The following PLCG2 variants were observed in gnomAD, a reference collection of about 807,000 sequenced individuals.
PLCG2 encodes 1-phosphatidylinositol 4,5-bisphosphate phosphodiesterase gamma-2.
PLCG2 carries 69 observed loss-of-function variants against 175.6 expected under a neutral mutation model. The ratio of observed to expected loss-of-function variants is 0.39; its 90% confidence interval spans 0.32 to 0.48. The LOEUF (loss-of-function observed/expected upper bound fraction) is 0.48. Among genes scored for constraint, PLCG2 ranks in the 20% least tolerant of loss-of-function variants. The pLI is 0.91. For synonymous variants in PLCG2, 827 were observed against 624.0 expected (o/e 1.33, Z -4.85); for missense variants, 1,798 against 1,650.9 (o/e 1.09, Z -1.54).
chr16:81,875,905 G>A (rs1370842471), intron 7 of PLCG2, among the ~76,000 whole-genome samples: 2 of 152,078 alleles, frequency 1.3e-5, no homozygotes, highest in Non-Finnish European at 2.9e-5. Flanking sequence ...GACGATGTTT[G>A]TGGAGGAGCT....
At position 81,957,875 on chromosome 16, in the gene PLCG2, A is replaced by G. The variant is rs761747151; in HGVS notation, c.3756-81A>G. On this transcript the variant is annotated intron_variant, in intron 32 of 32. Coordinates refer to ENST00000564138, the MANE Select transcript of PLCG2 (RefSeq NM_002661.5). Reference sequence around the variant, plus strand: ...AGCTATGAATGACTGGCAAATGTACAGAAAGAGAAATGTTACAGAGTTCAG... The same window carrying G: ...AGCTATGAATGACTGGCAAATGTACGGAAAGAGAAATGTTACAGAGTTCAG... 50 of 1,257,368 alleles carry G rather than the reference A, an allele frequency of 4.0e-5. 1 individual carries two copies. In the Middle Eastern group the frequency reaches 1.3e-3, roughly 33 times the overall value. The allele number at this position is 1,257,368 out of a possible 1,614,324, so 77.9% of individuals were successfully genotyped here.
intron 3 of PLCG2, 148 bp downstream of exon 3, chr16:81,854,735 C>T: frequency 1.4e-6 from 1 of 729,118 alleles, no homozygotes; most frequent in East Asian, 2.5e-5. Flanking sequence ...CCCTTTCTAG[C>T]TGTGTGTCTT....
intron 2 of PLCG2, among the ~76,000 whole-genome samples, chr16:81,824,396 A>C (rs1047028406): frequency 2.0e-5 from 3 of 152,098 alleles, no homozygotes; most frequent in African/African-American, 4.8e-5. Context: ...AACCTCCCAA[A>C]GTGCTGGGAT....
At chr16:81,777,809 A>G (rs1467150646), upstream of PLCG2, among the ~76,000 whole-genome samples, 1 of 151,990 alleles carries the variant, frequency 6.6e-6, no homozygotes, top group Non-Finnish European at 1.5e-5. Context: ...TGAGGTCAGG[A>G]GTTTGAGACC....
chr16:81,765,772 C>T (rs2143097310), intron 2 of PLCG2, among the ~76,000 whole-genome samples: 1 of 152,318 alleles, frequency 6.6e-6, no homozygotes, highest in East Asian at 1.9e-4. Flanking sequence ...ATTTTAGCCC[C>T]TTCTGAATGG....
At chr16:81,749,513 C>T (rs1909765390) in intron 1 of PLCG2, among the ~76,000 whole-genome samples, 1 of 151,998 alleles carries the variant, frequency 6.6e-6, no homozygotes, top group South Asian at 2.1e-4. Context: ...CCACCAAGCC[C>T]AGCTAATTAT....
At chr16:81,762,980 C>A (rs1910072096) in intron 2 of PLCG2, among the ~76,000 whole-genome samples, 1 of 152,068 alleles carries the variant, frequency 6.6e-6, no homozygotes, top group Non-Finnish European at 1.5e-5. Context: ...TCCCTTAAGC[C>A]CAGGAGTTAA....
At chr16:81,875,736 C>T (rs1907750108) in intron 7 of PLCG2, among the ~76,000 whole-genome samples, 1 of 152,174 alleles carries the variant, frequency 6.6e-6, no homozygotes, top group South Asian at 2.1e-4. Context: ...AGCATTCTTA[C>T]ATAAAAATAG....
At chr16:81,828,031 A>C (rs1293763312) in intron 2 of PLCG2, among the ~76,000 whole-genome samples, 2 of 147,460 alleles carry the variant, frequency 1.4e-5, no homozygotes, top group African/African-American at 5.0e-5. Context: ...CGGAGCTTGC[A>C]CTGAGCCGAG....
chr16:81,793,512 C>G (rs1911331251), intron 2 of PLCG2, among the ~76,000 whole-genome samples: 2 of 152,302 alleles, frequency 1.3e-5, no homozygotes, highest in South Asian at 4.1e-4. Context: ...ATGCGTCCAT[C>G]TCAACTGTGT....
chr16:81,921,513 C>A (rs1251278789), intron 21 of PLCG2: 3 of 518,310 alleles, frequency 5.8e-6, no homozygotes, highest in Admixed American at 5.9e-5. Context: ...GTTTGACGAA[C>A]CACCTTTGGG....
intron 14 of PLCG2, among the ~76,000 whole-genome samples, chr16:81,901,985 C>T (rs754340177): frequency 6.6e-6 from 1 of 152,242 alleles, no homozygotes; most frequent in Non-Finnish European, 1.5e-5. Flanking sequence ...GGTGAAGGGA[C>T]TTTGCTTTGT....
At chr16:81,894,080 G>A (rs1195666536) in intron 12 of PLCG2, among the ~76,000 whole-genome samples, 4 of 151,712 alleles carry the variant, frequency 2.6e-5, no homozygotes, top group African/African-American at 9.7e-5. Context: ...TGGGTCCTAG[G>A]TGTGCACAGG....
At chr16:81,777,034 A>G (rs901787666), upstream of PLCG2, among the ~76,000 whole-genome samples, 1 of 152,244 alleles carries the variant, frequency 6.6e-6, no homozygotes, top group South Asian at 2.1e-4. Flanking sequence ...AAAGAAAAAA[A>G]AGCAAACTGC....
intron 1 of PLCG2, among the ~76,000 whole-genome samples, chr16:81,752,701 T>A (rs932455576): frequency 6.6e-6 from 1 of 152,158 alleles, no homozygotes; most frequent in Admixed American, 6.5e-5. Flanking sequence ...GCAACTTCCA[T>A]GAAGGACGTG....
intron 2 of PLCG2, among the ~76,000 whole-genome samples, chr16:81,845,789 C>T (rs1364990681): frequency 6.6e-6 from 1 of 152,142 alleles, no homozygotes; most frequent in African/African-American, 2.4e-5. Flanking sequence ...AACAAAAATG[C>T]CCACCGACCC....
intron 2 of PLCG2, among the ~76,000 whole-genome samples, chr16:81,839,282 A>G (rs1905694625): frequency 6.6e-6 from 1 of 152,076 alleles, no homozygotes; most frequent in Admixed American, 6.6e-5. Context: ...TGATAAACAA[A>G]TGTTTGCAGT....
intron 31 of PLCG2, among the ~76,000 whole-genome samples, chr16:81,946,943 C>A (rs901647618): frequency 6.6e-6 from 1 of 152,012 alleles, no homozygotes; most frequent in African/African-American, 2.4e-5. Flanking sequence ...CTCCCCAGCT[C>A]ACTGAAGATC....
At chr16:81,902,150 G>A (rs1050628113) in intron 14 of PLCG2, among the ~76,000 whole-genome samples, 9 of 152,170 alleles carry the variant, frequency 5.9e-5, no homozygotes, top group South Asian at 2.1e-4. Context: ...GCTTAGTCAC[G>A]TTACCTGCAA....
Sources: gnomAD v4.1 joint callset for allele counts (sites outside exome capture counted in the v4.1 genomes callset) on GRCh38, gnomAD v4.1.1 for gene constraint, MANE v1.5 for transcripts, NCBI Gene and HGNC (gene_info 2026-07-23, HGNC 2026-07-21) for gene names.